ANXA8: variants seen among roughly 807,000 people sequenced by gnomAD.
ANXA8 encodes the protein VAC-beta.
In ANXA8, 9 loss-of-function variants were observed where a neutral mutation model predicts 26.8. The ratio of observed to expected loss-of-function variants is 0.34; its 90% CI spans 0.20 to 0.59. The LOEUF (loss-of-function observed/expected upper bound fraction) is 0.59, where lower values mean the gene tolerates loss of function less well. Ranked by LOEUF, ANXA8 falls within the 20% of genes least tolerant of loss-of-function variation. ANXA8 has a pLI of 0.84. For missense variants in ANXA8, 83 were observed against 238.5 expected (o/e 0.35, Z 4.29); for synonymous variants, 39 against 94.8 (o/e 0.41, Z 3.42).
the ANXA8 span, among the ~76,000 whole-genome samples, chr10:47,644,627 C>T: frequency 2.0e-5 from 3 of 152,034 alleles, no homozygotes; most frequent in South Asian, 2.1e-4. Context: ...ATTGTCATTA[C>T]GTGTGTGTGG....
At chr10:47,490,673 A>G in the ANXA8 span, among the ~76,000 whole-genome samples, 7,371 of 131,942 alleles carry the variant, frequency 0.056, 29 homozygotes, top group African/African-American at 0.14. Flanking sequence ...AGGAATCATA[A>G]AAAACTCAGA....
At chr10:47,702,114 C>T in the ANXA8 span, among the ~76,000 whole-genome samples, 1 of 149,280 alleles carries the variant, frequency 6.7e-6, no homozygotes, top group African/African-American at 2.5e-5. Flanking sequence ...AAATTATAAA[C>T]AAGGGAAGGT....
chr10:47,540,269 A>G, the ANXA8 span: 3 of 69,246 alleles, frequency 4.3e-5, 1 homozygote, highest in African/African-American at 1.3e-4. Flanking sequence ...TGAAAATACA[A>G]AAGAAACAGA....
chr10:47,519,412 G>A, the ANXA8 span, among the ~76,000 whole-genome samples: 1 of 120,056 alleles, frequency 8.3e-6, no homozygotes, highest in Non-Finnish European at 1.7e-5. Flanking sequence ...AGGTTGTAGT[G>A]AGCCAAGATT....
At chr10:47,944,073 C>T in the ANXA8 span, among the ~76,000 whole-genome samples, 1 of 147,082 alleles carries the variant, frequency 6.8e-6, no homozygotes, top group Admixed American at 6.7e-5. Flanking sequence ...CCACGTGGCA[C>T]GTGGACAACA....
the ANXA8 span, among the ~76,000 whole-genome samples, chr10:47,561,399 T>C: frequency 2.0e-5 from 3 of 151,738 alleles, no homozygotes; most frequent in Admixed American, 6.6e-5. Flanking sequence ...AACTACCATG[T>C]TGGGCCAAAT....
At chr10:47,620,863 A>G in the ANXA8 span, among the ~76,000 whole-genome samples, 1 of 109,106 alleles carries the variant, frequency 9.2e-6, no homozygotes, top group East Asian at 2.2e-4. Context: ...ATTACAAGGG[A>G]GAAACCTAGA....
At chr10:47,554,299 G>A in the ANXA8 span, among the ~76,000 whole-genome samples, 4 of 139,308 alleles carry the variant, frequency 2.9e-5, no homozygotes, top group East Asian at 2.3e-4. Flanking sequence ...CAGCCTGGGC[G>A]ACAGAGCAAG....
chr10:47,733,191 T>TTCTTTCTTTCTTTCTTTCTCTCTCTC, the ANXA8 span, among the ~76,000 whole-genome samples: 1 of 106,542 alleles, frequency 9.4e-6, no homozygotes, highest in African/African-American at 3.3e-5. Context: ...CTTTCTTTCT[T>TTCTTTCTTTCTTTCTTTCTCTCTCTC]TCTTTCTTTC....
the ANXA8 span, among the ~76,000 whole-genome samples, chr10:47,954,405 G>A: frequency 6.6e-6 from 1 of 151,096 alleles, no homozygotes; most frequent in Non-Finnish European, 1.5e-5. Context: ...AAAAGGTTGT[G>A]GGTGTGGAGG....
chr10:47,597,487 G>GGATTCTATACCTAGAAAACCCTAAT, the ANXA8 span, among the ~76,000 whole-genome samples: 1 of 145,176 alleles, frequency 6.9e-6, no homozygotes, highest in African/African-American at 2.7e-5. Context: ...ACTGATGATA[G>GGATTCTATACCTAGAAAACCCTAAT]GATTCTATAC....
At chr10:47,744,422 T>TGGGGGGGGGGGGGGGGAAGGGGGGGGG in the ANXA8 span, among the ~76,000 whole-genome samples, 1 of 11,728 alleles carries the variant, frequency 8.5e-5, no homozygotes, top group Non-Finnish European at 1.5e-4. Context: ...GGGGGGGGGG[T>TGGGGGGGGGGGGGGGGAAGGGGGGGGG]TGGGGGGGAG....
upstream of ANXA8, among the ~76,000 whole-genome samples, chr10:47,487,067 G>A (rs1333240354): frequency 2.6e-5 from 4 of 151,648 alleles, 1 homozygote; most frequent in African/African-American, 7.3e-5. Context: ...TATTCAAGGT[G>A]ATAGACACCC....
the ANXA8 span, among the ~76,000 whole-genome samples, chr10:47,504,813 C>CCCTTCCA: frequency 2.1e-5 from 3 of 142,116 alleles, no homozygotes; most frequent in African/African-American, 7.8e-5. Context: ...TCCCGAAGAC[C>CCCTTCCA]CCTTCCAGAA....
chr10:47,650,577 T>C, the ANXA8 span, among the ~76,000 whole-genome samples: 2,775 of 146,944 alleles, frequency 0.019, 16 homozygotes, highest in Non-Finnish European at 0.029. Flanking sequence ...GAGGCCAAGG[T>C]GGGCGGATCA....
the ANXA8 span, among the ~76,000 whole-genome samples, chr10:47,743,265 CATATATATATAT>C: frequency 1.2e-5 from 1 of 86,578 alleles, no homozygotes; most frequent in Non-Finnish European, 2.3e-5. Flanking sequence ...TATATATATA[CATATATATATAT>C]ACACACATAT....
the ANXA8 span, among the ~76,000 whole-genome samples, chr10:47,533,326 C>G: frequency 6.0e-5 from 9 of 149,644 alleles, no homozygotes; most frequent in African/African-American, 2.2e-4. Flanking sequence ...TTCTGGAGCC[C>G]CTTATCAGAT....
chr10:47,691,717 C>T, the ANXA8 span, among the ~76,000 whole-genome samples: 1 of 149,752 alleles, frequency 6.7e-6, no homozygotes, highest in African/African-American at 2.6e-5. Flanking sequence ...TTTGATTGGG[C>T]CACTGCACTC....
At chr10:47,986,443 A>G in the ANXA8 span, 2 of 239,728 alleles carry the variant, frequency 8.3e-6, no homozygotes, top group African/African-American at 2.3e-5. Flanking sequence ...TTACTTGTCT[A>G]TTGACTTGTT....
Sources: gnomAD v4.1 joint callset for allele counts (sites outside exome capture counted in the v4.1 genomes callset) on GRCh38, gnomAD v4.1.1 for gene constraint, MANE v1.5 for transcripts, NCBI Gene and HGNC (gene_info 2026-07-23, HGNC 2026-07-21) for gene names.